The following MEF2B variants were observed in gnomAD, a reference collection of about 807,000 sequenced individuals.
The protein encoded by MEF2B is myocyte enhancer factor 2B, also known as myocyte-specific enhancer factor 2B.
In MEF2B, 15 loss-of-function variants were observed where a neutral mutation model predicts 32.2. The ratio of observed to expected loss-of-function variants is 0.47; its 90% CI spans 0.31 to 0.72. MEF2B has a LOEUF of 0.72. Ranked by LOEUF, MEF2B falls within the 30% of genes least tolerant of loss-of-function variation. The pLI is 0.05. For synonymous variants in MEF2B, 205 were observed against 225.6 expected, an observed-to-expected ratio of 0.91 and a Z score of 0.82; for missense variants, 441 against 511.5, an observed-to-expected ratio of 0.86 and a Z score of 1.33.
chr19:19,168,435 G>A (rs1241045814), intron 1 of MEF2B, among the ~76,000 whole-genome samples: 6 of 151,768 alleles, frequency 4.0e-5, no homozygotes, highest in East Asian at 1.9e-4. Context: ...CATCATGGCC[G>A]GCTAATTTTG....
intron 1 of MEF2B, among the ~76,000 whole-genome samples, chr19:19,161,827 A>ATTT (rs2060166305): frequency 2.2e-5 from 3 of 139,058 alleles, no homozygotes; most frequent in African/African-American, 5.4e-5. Context: ...TTTTTTTGTG[A>ATTT]GACAGAGTCT....
At chr19:19,151,418 G>A (rs1039932734) in intron 1 of MEF2B, among the ~76,000 whole-genome samples, 4 of 152,038 alleles carry the variant, frequency 2.6e-5, no homozygotes, top group African/African-American at 4.8e-5. Context: ...ATGTGAGATC[G>A]CCCTGGTAGG....
intron 1 of MEF2B, among the ~76,000 whole-genome samples, chr19:19,153,735 G>A (rs1219606568): frequency 6.6e-6 from 1 of 151,850 alleles, no homozygotes; most frequent in Non-Finnish European, 1.5e-5. Flanking sequence ...GAGATTACAG[G>A]CGTGAGCCAC....
chr19:19,156,861 C>G (rs2060123983), intron 1 of MEF2B, among the ~76,000 whole-genome samples: 1 of 151,090 alleles, frequency 6.6e-6, no homozygotes, highest in Non-Finnish European at 1.5e-5. Context: ...GCTGTGTTGC[C>G]CAGGCTGGTC....
chr19:19,162,594 T>A (rs1440849787), intron 1 of MEF2B, among the ~76,000 whole-genome samples: 34 of 152,220 alleles, frequency 2.2e-4, no homozygotes, highest in Admixed American at 2.2e-3. Context: ...TAGGTCCCTC[T>A]GGCACCCATG....
At chr19:19,151,311 A>G (rs972212313) in intron 1 of MEF2B, among the ~76,000 whole-genome samples, 2 of 151,786 alleles carry the variant, frequency 1.3e-5, no homozygotes, top group Non-Finnish European at 2.9e-5. Context: ...ATGCAGGCAC[A>G]CTCTGGAAAG....
chr19:19,150,895 C>G (rs1166591816), intron 1 of MEF2B, 131 bp from the exon 2 acceptor site: 8 of 1,161,296 alleles, frequency 6.9e-6, no homozygotes, highest in Admixed American at 6.5e-5. Context: ...TCAAGGCAGG[C>G]TGGGTCACTG....
Position 19,151,632 on chromosome 19 carries a change from C to A in MEF2B, c.-29-868G>T, listed in dbSNP as rs957433056. Among the ~76,000 whole-genome samples, 53 of 152,324 alleles carry A rather than the reference C, an allele frequency of 3.5e-4. 1 individual carries two copies. The highest frequency in any genetic ancestry group is 1.2e-3 in the African/African-American group (48 of 41,588). Reference sequence around the variant, plus strand: ...CTCCACCTCCCAGCCTCTACCATGTCACAGGTGACTGAGGCTTCAGGCAAG... The same window carrying A: ...CTCCACCTCCCAGCCTCTACCATGTAACAGGTGACTGAGGCTTCAGGCAAG... On this transcript the variant is annotated intron_variant, in intron 1 of 8. Transcript: ENST00000424583.
chr19:19,148,294 ATC>A (rs1360156394), intron 3 of MEF2B, among the ~76,000 whole-genome samples: 3 of 152,206 alleles, frequency 2.0e-5, no homozygotes, highest in African/African-American at 7.2e-5. Flanking sequence ...TAAGACCTCC[ATC>A]TCTACTGAAA....
At chr19:19,163,534 C>T (rs1477481808) in intron 1 of MEF2B, among the ~76,000 whole-genome samples, 1 of 152,188 alleles carries the variant, frequency 6.6e-6, no homozygotes, top group Admixed American at 6.6e-5. Context: ...GAGCATCTCG[C>T]CCTGCCGGCT....
intron 3 of MEF2B, among the ~76,000 whole-genome samples, 158 bp from the exon 4 acceptor site, chr19:19,147,990 G>C (rs76823712): frequency 0.026 from 3,905 of 152,328 alleles, 162 homozygotes; most frequent in African/African-American, 0.089. Context: ...ACCAAACCCC[G>C]GTGAGTTACC....
At chr19:19,168,408 G>A (rs1352251496) in intron 1 of MEF2B, among the ~76,000 whole-genome samples, 1 of 151,448 alleles carries the variant, frequency 6.6e-6, no homozygotes, top group African/African-American at 2.4e-5. Flanking sequence ...TGAGTCGCTG[G>A]GATTACAAGC....
chr19:19,160,229 C>G (rs2060150313), intron 1 of MEF2B, among the ~76,000 whole-genome samples: 2 of 152,030 alleles, frequency 1.3e-5, no homozygotes, highest in East Asian at 3.9e-4. Flanking sequence ...TTTGGCCTCC[C>G]AAAGTGCTGG....
At chr19:19,150,287 T>C (rs2060066057) in intron 2 of MEF2B, among the ~76,000 whole-genome samples, 2 of 150,740 alleles carry the variant, frequency 1.3e-5, no homozygotes, top group Non-Finnish European at 3.0e-5. Flanking sequence ...CCCAGCACTT[T>C]GGGAGGCCGA....
chr19:19,167,521 C>G (rs2060218816), intron 1 of MEF2B, among the ~76,000 whole-genome samples: 1 of 151,732 alleles, frequency 6.6e-6, no homozygotes, highest in African/African-American at 2.4e-5. Flanking sequence ...GATGCTGTCT[C>G]AAAAACAAAG....
At chr19:19,147,856 G>A (rs1306826212) in intron 3 of MEF2B, 24 bp from the exon 4 acceptor site, 1 of 1,609,176 alleles carries the variant, frequency 6.2e-7, no homozygotes, top group Admixed American at 1.7e-5. Flanking sequence ...AGACAACAGG[G>A]TAGACCCTTA....
chr19:19,149,605 G>A (rs1280700844), intron 2 of MEF2B, among the ~76,000 whole-genome samples, 176 bp from the exon 3 acceptor site: 1 of 152,058 alleles, frequency 6.6e-6, no homozygotes, highest in Non-Finnish European at 1.5e-5. Flanking sequence ...TCAAAACCCA[G>A]CCCAAATGTC....
At chr19:19,159,122 G>C (rs1568552130) in intron 1 of MEF2B, among the ~76,000 whole-genome samples, 2 of 150,856 alleles carry the variant, frequency 1.3e-5, no homozygotes, top group African/African-American at 4.9e-5. Context: ...TGTATTTTCA[G>C]TAGAGATGGG....
intron 1 of MEF2B, among the ~76,000 whole-genome samples, chr19:19,168,463 G>A (rs1035147459): frequency 1.3e-5 from 2 of 151,596 alleles, no homozygotes; most frequent in Non-Finnish European, 2.9e-5. Flanking sequence ...AGTAGAGATG[G>A]GGTTTCTCCA....
Sources: allele counts gnomAD v4.1 joint callset (sites outside exome capture counted in the v4.1 genomes callset), GRCh38; gene constraint gnomAD v4.1.1; transcripts MANE v1.5; gene names NCBI Gene and HGNC (gene_info 2026-07-23, HGNC 2026-07-21).